Variants in KNCN observed in about 807,000 individuals in gnomAD.
The protein encoded by KNCN is kinocilin.
In KNCN, 11 loss-of-function variants were observed where a neutral mutation model predicts 10.4. The observed-to-expected ratio is 1.06, with a 90% CI of 0.67 to 1.75. KNCN has a LOEUF of 1.75. Ranked by LOEUF, KNCN falls within the 40% of genes most tolerant of loss-of-function variation. The pLI, the probability that KNCN is intolerant of heterozygous loss-of-function variation, is 0.00. For synonymous variants in KNCN, 67 were observed against 71.6 expected (o/e 0.94, Z 0.33); for missense variants, 172 against 167.1 (o/e 1.03, Z -0.16).
At chr1:46,549,512 G>A (rs1446052116) in intron 2 of KNCN, among the ~76,000 whole-genome samples, 7 of 152,186 alleles carry the variant, frequency 4.6e-5, no homozygotes, top group African/African-American at 1.7e-4. Context: ...CTGGGGCCAT[G>A]AGAAGCCCCA....
chr1:46,549,757 C>A, intron 2 of KNCN, 177 bp downstream of exon 2: 2 of 1,195,450 alleles, frequency 1.7e-6, no homozygotes, highest in Non-Finnish European at 2.3e-6. Flanking sequence ...TTCTGCCGTT[C>A]TGTAGTCATG....
chr1:46,551,246 G>T lies in KNCN; in HGVS notation c.-31C>A. The T allele has an allele frequency of 1.3e-6, 2 of 1,588,174 alleles. 1 individual carries two copies. ...CCCACCCGGGGCACTGCCTCCAGCCGGTGCAGTCTGGCCCCAGAAAAGTCC... is the reference window on the plus strand; with the variant it reads ...CCCACCCGGGGCACTGCCTCCAGCCTGTGCAGTCTGGCCCCAGAAAAGTCC... On this transcript the variant is annotated 5_prime_UTR_variant, in exon 1 of 4. Coordinates refer to ENST00000481882, the MANE Select transcript of KNCN (RefSeq NM_001322255.2). This position sits in a 1 kb window ranked among gnomAD's most constrained non-coding sequence, Gnocchi z 4.0.
chr1:46,545,730 C>T lies in KNCN; in HGVS notation c.*2000G>A, dbSNP rs922188939. ...GGCATCGGGGATTCCATAGCCCCAC[C>T]CTGGGGAGAGCATGGCTGAGAGGGG... is the stretch of plus-strand genomic sequence containing the variant. On this transcript the variant is annotated 3_prime_UTR_variant, in exon 4 of 4. Transcript: ENST00000481882. 3 of 152,414 alleles carry T rather than the reference C, an allele frequency of 2.0e-5. No individual in the cohort carries two copies. The highest frequency in any genetic ancestry group is 4.4e-5 in the Non-Finnish European group (3 of 68,104). The allele number at this position is 152,414 out of a possible 1,614,324, so 9.4% of individuals were successfully genotyped here. A position where few individuals can be genotyped will look rare whatever the true frequency, so the allele number is the denominator to read the frequency against.
chr1:46,547,754 C>T lies in KNCN; in HGVS notation c.351G>A (p.Gly117=). ...CTCAGCATTCCTCAGCCCCCCGGGT[C>T]CCCGGCTTCAGCTTCTCCAGGGTCC... ...VSRTLEKLKP[G]TRGAEEC is the part of the protein sequence containing the mutation. The change falls in exon 4 of 4, where the codon GGG becomes GGA. Residue 117 remains glycine (G), a synonymous_variant. Coordinates refer to ENST00000481882, the MANE Select transcript of KNCN (RefSeq NM_001322255.2). 2 of 1,481,746 alleles carry T rather than the reference C, an allele frequency of 1.3e-6. No homozygotes were observed. The highest frequency in any genetic ancestry group is 1.4e-5 in the South Asian group (1 of 70,982). 91.8% of individuals were successfully genotyped at this position (1,481,746 alleles called of 1,614,324 possible). A position where few individuals can be genotyped will look rare whatever the true frequency, so the allele number is the denominator to read the frequency against.
At chr1:46,548,929 T>C (rs1256300559) in intron 3 of KNCN, among the ~76,000 whole-genome samples, 9 of 151,930 alleles carry the variant, frequency 5.9e-5, no homozygotes, top group South Asian at 2.1e-4. Flanking sequence ...TCACCTGAGG[T>C]TGGGAGTTCG....
intron 3 of KNCN, 55 bp from the exon 4 acceptor site, chr1:46,547,864 T>A: frequency 7.4e-7 from 1 of 1,344,126 alleles, no homozygotes; most frequent in East Asian, 2.6e-5. Flanking sequence ...CCCATGGAGT[T>A]GTCAGGGTCA....
In KNCN at chr1:46,547,811, T is replaced by A. The variant is rs921890931; in HGVS notation, c.296-2A>T. 3 of 1,455,412 alleles carry A rather than the reference T, an allele frequency of 2.1e-6. No homozygotes were observed. The Admixed American group carries it at 8.5e-5, about 41-fold the overall frequency. The allele number at this position is 1,455,412 out of a possible 1,614,324, so 90.2% of individuals were successfully genotyped here. On this transcript the variant is annotated splice_acceptor_variant, in intron 3 of 3. Coordinates refer to ENST00000481882, the MANE Select transcript of KNCN (RefSeq NM_001322255.2). LOFTEE classifies it high-confidence loss of function. ...CGGTGGACAGGCTGCTGCGGGCTCC[T>A]GGGGGAGAGAACAGGGACGAGGACT...
At chr1:46,549,416 T>C in intron 2 of KNCN, 149 bp from the exon 3 acceptor site, 1 of 589,530 alleles carries the variant, frequency 1.7e-6, no homozygotes. Context: ...TCACATGATC[T>C]GGGCTGATTT....
intron 2 of KNCN, 136 bp downstream of exon 2, chr1:46,549,798 C>T: frequency 6.8e-7 from 1 of 1,461,728 alleles, no homozygotes; most frequent in Non-Finnish European, 9.3e-7. Context: ...ACACACACAG[C>T]AGCTCTAACA....
chr1:46,547,848 C>T (rs1666980658), intron 3 of KNCN, 39 bp from the exon 4 acceptor site: 1 of 1,402,096 alleles, frequency 7.1e-7, no homozygotes, highest in Non-Finnish European at 9.5e-7. Flanking sequence ...CCTCCGTAGA[C>T]AGGTCCCCAT....
chr1:46,550,707 G>A (rs1408670167), intron 1 of KNCN, among the ~76,000 whole-genome samples: 1 of 152,140 alleles, frequency 6.6e-6, no homozygotes, highest in Non-Finnish European at 1.5e-5. Context: ...AGAGTCCTCA[G>A]GAGCTCTGTC....
rs1667055275 is a variant in KNCN, at chr1:46,551,029, A to C, written c.151+36T>G. 1.3e-6 allele frequency: 2 copies of C among 1,535,482 alleles called. No homozygotes were observed. The highest frequency in any genetic ancestry group is 8.8e-7 in the Non-Finnish European group (1 of 1,139,100). ...CGATGCCCCTGCCCCCACCTCCAGA[A>C]TCTCCCTTCCCTATCCCAGCCCAGC... On this transcript the variant is annotated intron_variant, in intron 1 of 3. Coordinates refer to ENST00000481882, the MANE Select transcript of KNCN (RefSeq NM_001322255.2). This position sits in a 1 kb window ranked among gnomAD's most constrained non-coding sequence, Gnocchi z 4.0.
chr1:46,551,184 C>T lies in KNCN; in HGVS notation c.32G>A (p.Arg11His), dbSNP rs566594574. The T allele has an allele frequency of 6.8e-5, 110 of 1,610,028 alleles. No individual in the cohort carries two copies. The highest frequency in any genetic ancestry group is 6.6e-4 in the Middle Eastern group (4 of 6,068). The part of the protein sequence containing the change: MDIPISSRDF[R>H]GLQLACVALG... ...AGCCACGCAGGCCAGCTGCAGGCCG[C>T]GGAAGTCTCTGCTGCTGATGGGGAT... is the stretch of plus-strand genomic sequence containing the variant. Residue 11 changes from arginine to histidine, a missense_variant, in exon 1 of 4, where the codon CGC becomes CAC. By Grantham distance (29) the Arg-to-His change is conservative. Coordinates refer to ENST00000481882, the MANE Select transcript of KNCN (RefSeq NM_001322255.2). The surrounding 1 kb of genome is among the most constrained non-coding windows in gnomAD (Gnocchi z 4.0).
rs781709143 is a variant in KNCN, at chr1:46,549,295, C to T, written c.221-28G>A. On this transcript the variant is annotated intron_variant, in intron 2 of 3. Transcript: ENST00000481882. ...GCAGGATGAGACCACCCCAAGCCCC[C>T]TGATTACTGAGCCATTCCCCAAATC... 5 of 1,550,798 alleles carry T rather than the reference C, an allele frequency of 3.2e-6. No individual in the cohort carries two copies. In the South Asian group the frequency reaches 4.8e-5, roughly 15 times the overall value.
rs1325696561 is a variant in KNCN at position 46,547,753 on chromosome 1, T to G, written c.352A>C (p.Thr118Pro). The G allele has an allele frequency of 6.8e-7, 1 of 1,480,476 alleles. No individual in the cohort carries two copies. Among genetic ancestry groups the G allele is most frequent in the Admixed American group, 2.5e-5 (1 of 39,750 alleles). 91.7% of individuals were successfully genotyped at this position (1,480,476 alleles called of 1,614,324 possible). A position where few individuals can be genotyped will look rare whatever the true frequency, so the allele number is the denominator to read the frequency against. ...SRTLEKLKPG[T>P]RGAEEC ...CCTCAGCATTCCTCAGCCCCCCGGG[T>G]CCCCGGCTTCAGCTTCTCCAGGGTC... Residue 118 changes from threonine (T) to proline (P), a missense_variant, in exon 4 of 4, where the codon ACC becomes CCC. Physicochemically the swap from Thr to Pro is conservative, Grantham distance 38 (BLOSUM62 -1). Coordinates refer to ENST00000481882, the MANE Select transcript of KNCN (RefSeq NM_001322255.2).
At chr1:46,548,494 G>A (rs1163771047) in intron 3 of KNCN, among the ~76,000 whole-genome samples, 1 of 152,138 alleles carries the variant, frequency 6.6e-6, no homozygotes, top group Admixed American at 6.5e-5. Context: ...TTCTATCCCA[G>A]CTCTGCCCTG....
In KNCN at chr1:46,549,237, G is replaced by A. The variant is rs1354777919; in HGVS notation, c.251C>T (p.Ala84Val). 3 of 1,613,182 alleles carry A rather than the reference G, an allele frequency of 1.9e-6. No homozygotes were observed. Among genetic ancestry groups the A allele is most frequent in the Non-Finnish European group, 2.5e-6 (3 of 1,179,536 alleles). Residue 84 changes from alanine (A) to valine (V), a missense_variant, in exon 3 of 4, where the codon GCA becomes GTA. By Grantham distance (64) the Ala-to-Val change is moderately conservative. Transcript: ENST00000481882. ...GSLRIHPHPGADHGEGRSSTN... is the reference protein window; with the variant it reads ...GSLRIHPHPGVDHGEGRSSTN... ...GCTGGATCTTCCTTCCCCGTGGTCT[G>A]CCCCTGGATGGGGATGGATTCTTAG...
chr1:46,551,378 G>T lies in KNCN; in HGVS notation c.-163C>A. Reference sequence around the variant, plus strand: ...TGGGGAACCCTGGGATTTATCTGCAGTCCTATTCCACTGCTCCACTACGGG... The same window carrying T: ...TGGGGAACCCTGGGATTTATCTGCATTCCTATTCCACTGCTCCACTACGGG... On this transcript the variant is annotated 5_prime_UTR_variant, in exon 1 of 4. In the 5' UTR this introduces an upstream ATG that the reference lacks. Coordinates refer to ENST00000481882, the MANE Select transcript of KNCN (RefSeq NM_001322255.2). This position sits in a 1 kb window ranked among gnomAD's most constrained non-coding sequence, Gnocchi z 4.0. The T allele has an allele frequency of 1.4e-6, 1 of 695,796 alleles. No homozygotes were observed. Among genetic ancestry groups the T allele is most frequent in the Non-Finnish European group, 2.3e-6 (1 of 442,388 alleles). The allele number at this position is 695,796 out of a possible 1,614,324, so 43.1% of individuals were successfully genotyped here.
At chr1:46,550,775 A>G (rs1446557914) in intron 1 of KNCN, among the ~76,000 whole-genome samples, 4 of 152,150 alleles carry the variant, frequency 2.6e-5, no homozygotes, top group Non-Finnish European at 5.9e-5. Context: ...GAATCCCACC[A>G]CAAATCCAGG....
Sources: gnomAD v4.1 joint callset for allele counts (sites outside exome capture counted in the v4.1 genomes callset) on GRCh38, gnomAD v4.1.1 for gene constraint, Gnocchi (gnomAD v3.1) non-coding constraint, MANE v1.5 for transcripts, NCBI Gene and HGNC (gene_info 2026-07-23, HGNC 2026-07-21) for gene names.